The following SPDYE6 variants were observed in gnomAD, a reference collection of about 807,000 sequenced individuals.
SPDYE6 encodes the protein speedy/RINGO cell cycle regulator family member E6, also known as speedy protein E6.
For synonymous variants in SPDYE6, 2 were observed against 103.0 expected (o/e 0.02, Z 5.94); for missense variants, 8 against 297.9 (o/e 0.03, Z 7.16).
rs1382930180 is a variant in SPDYE6, at chr7:102,346,246, TTAAA to T, written c.*1017_*1020del. On this transcript the variant is annotated 3_prime_UTR_variant, in exon 8 of 8. Coordinates refer to ENST00000563237, the MANE Select transcript of SPDYE6 (RefSeq NM_001146210.4). ...ATAATATTTAATGTAAAAATAATATTTAAATAAATAAATATATTTAATAAATATT... is the reference window on the plus strand; with the variant it reads ...ATAATATTTAATGTAAAAATAATATTTAAATAAATATATTTAATAAATATT... 7.0e-4 allele frequency among the ~76,000 whole-genome samples: 103 copies of T among 148,062 alleles called. 2 individuals are homozygous for T. The East Asian group carries it at 0.017, about 24-fold the overall frequency.
At position 102,346,250 on chromosome 7, in the gene SPDYE6, A is replaced by ATAAATAAATATATTTAATAAATATT. The variant is rs1794494557; in HGVS notation, c.*992_*1016dup. ...TATTTAATGTAAAAATAATATTTAA[A>ATAAATAAATATATTTAATAAATATT]TAAATAAATATATTTAATAAATATT... is the stretch of plus-strand genomic sequence containing the variant. On this transcript the variant is annotated 3_prime_UTR_variant, in exon 8 of 8. Coordinates refer to ENST00000563237, the MANE Select transcript of SPDYE6 (RefSeq NM_001146210.4). Among the ~76,000 whole-genome samples, 1 of 147,932 alleles carries ATAAATAAATATATTTAATAAATATT rather than the reference A, an allele frequency of 6.8e-6. No individual in the cohort carries two copies. Among genetic ancestry groups the ATAAATAAATATATTTAATAAATATT allele is most frequent in the African/African-American group, 2.4e-5 (1 of 40,862 alleles).
In SPDYE6 at chr7:102,345,786, C is replaced by T. The variant is rs1729903058; in HGVS notation, c.*1481G>A. 6.6e-6 allele frequency among the ~76,000 whole-genome samples: 1 copy of T among 152,032 alleles called. No homozygotes were observed. Among genetic ancestry groups the T allele is most frequent in the Non-Finnish European group, 1.5e-5 (1 of 68,014 alleles). On this transcript the variant is annotated 3_prime_UTR_variant, in exon 8 of 8. Coordinates refer to ENST00000563237, the MANE Select transcript of SPDYE6 (RefSeq NM_001146210.4). The stretch of plus-strand genomic sequence containing the variant: ...GAAAAGTTCATTTTTATTATGTTTC[C>T]CCAAGAGACCCACTCTATTGTTCTC...
rs1205712515 is a variant in SPDYE6, at chr7:102,346,121, A to G, written c.*1146T>C. Among the ~76,000 whole-genome samples the G allele has an allele frequency of 6.6e-6, 1 of 151,492 alleles. No individual in the cohort carries two copies. The highest frequency in any genetic ancestry group is 1.5e-5 in the Non-Finnish European group (1 of 67,860). ...AGAATCCTCTCTTAAAAAGGAAAAC[A>G]AAATTATATGTATGTGTATATAACA... On this transcript the variant is annotated 3_prime_UTR_variant, in exon 8 of 8. Coordinates refer to ENST00000563237, the MANE Select transcript of SPDYE6 (RefSeq NM_001146210.4).
At position 102,345,776 on chromosome 7, in the gene SPDYE6, A is replaced by G. The variant is rs1794486204; in HGVS notation, c.*1491T>C. Among the ~76,000 whole-genome samples the G allele has an allele frequency of 6.6e-6, 1 of 152,164 alleles. No individual in the cohort carries two copies. The highest frequency in any genetic ancestry group is 2.1e-4 in the South Asian group (1 of 4,826). On this transcript the variant is annotated 3_prime_UTR_variant, in exon 8 of 8. Coordinates refer to ENST00000563237, the MANE Select transcript of SPDYE6 (RefSeq NM_001146210.4). ...GTGAAGGTGAGAAAAGTTCATTTTT[A>G]TTATGTTTCCCCAAGAGACCCACTC...
At chr7:102,353,879 G>C (rs1273862384) in intron 2 of SPDYE6, among the ~76,000 whole-genome samples, 1 of 88,698 alleles carries the variant, frequency 1.1e-5, no homozygotes, top group African/African-American at 5.0e-5. Flanking sequence ...GGCCAGGCTG[G>C]TCTCCAACTC....
chr7:102,345,775 T>G lies in SPDYE6; in HGVS notation c.*1492A>C, dbSNP rs1794486174. ...TGTGAAGGTGAGAAAAGTTCATTTT[T>G]ATTATGTTTCCCCAAGAGACCCACT... On this transcript the variant is annotated 3_prime_UTR_variant, in exon 8 of 8. Coordinates refer to ENST00000563237, the MANE Select transcript of SPDYE6 (RefSeq NM_001146210.4). Among the ~76,000 whole-genome samples, 1 of 152,158 alleles carries G rather than the reference T, an allele frequency of 6.6e-6. No individual in the cohort carries two copies. The highest frequency in any genetic ancestry group is 2.4e-5 in the African/African-American group (1 of 41,438).
At chr7:102,353,780 AAGCCTCCCAAGT>A (rs1554562807) in intron 2 of SPDYE6, among the ~76,000 whole-genome samples, 1 of 119,216 alleles carries the variant, frequency 8.4e-6, no homozygotes. Context: ...TCTCCTGCCT[AAGCCTCCCAAGT>A]AGCTGGGATT....
chr7:102,353,820 C>T (rs1246312724), intron 2 of SPDYE6, among the ~76,000 whole-genome samples: 8 of 90,194 alleles, frequency 8.9e-5, no homozygotes, highest in African/African-American at 2.9e-4. Context: ...CCCACCAGAA[C>T]GCCCAGCTCA....
Position 102,345,941 on chromosome 7 carries a change from A to G in SPDYE6, c.*1326T>C, listed in dbSNP as rs1794488074. 6.6e-6 allele frequency among the ~76,000 whole-genome samples: 1 copy of G among 152,090 alleles called. No homozygotes were observed. ...TTCAAACATATATGAAATATCAAATAAAAATTTATTTTTACAAGAATTTAG... is the reference window on the plus strand; with the variant it reads ...TTCAAACATATATGAAATATCAAATGAAAATTTATTTTTACAAGAATTTAG... On this transcript the variant is annotated 3_prime_UTR_variant, in exon 8 of 8. Coordinates refer to ENST00000563237, the MANE Select transcript of SPDYE6 (RefSeq NM_001146210.4).
chr7:102,347,135 T>G lies in SPDYE6; in HGVS notation c.*132A>C, dbSNP rs1378523538. The G allele has an allele frequency of 7.5e-7, 1 of 1,335,290 alleles. No individual in the cohort carries two copies. Among genetic ancestry groups the G allele is most frequent in the African/African-American group, 1.5e-5 (1 of 66,520 alleles). 82.7% of individuals were successfully genotyped at this position (1,335,290 alleles called of 1,614,324 possible). A position where few individuals can be genotyped will look rare whatever the true frequency, so the allele number is the denominator to read the frequency against. ...GGTTCTTCTAGATGATCTGCACAAA[T>G]GGTTCCTCTCCTCCTGCCTGGTGTC... On this transcript the variant is annotated 3_prime_UTR_variant, in exon 8 of 8. Coordinates refer to ENST00000563237, the MANE Select transcript of SPDYE6 (RefSeq NM_001146210.4).
At chr7:102,351,539 C>A (rs1794564139) in intron 4 of SPDYE6, among the ~76,000 whole-genome samples, 1 of 48,030 alleles carries the variant, frequency 2.1e-5, no homozygotes, top group African/African-American at 1.2e-4. Flanking sequence ...TGCCACTGCA[C>A]TCCATCCTGG....
chr7:102,354,030 CTTTT>C (rs1258255416), intron 2 of SPDYE6, among the ~76,000 whole-genome samples: 5 of 32,414 alleles, frequency 1.5e-4, no homozygotes, highest in Non-Finnish European at 1.7e-4. Flanking sequence ...CCCTTCCTTC[CTTTT>C]TTTTTTTTTT....
rs1794494132 is a variant in SPDYE6 at position 102,346,240 on chromosome 7, T to TATTTAAATAAATAAATATATTTAATA, written c.*1026_*1027insTATTAAATATATTTATTTATTTAAAT. 7.4e-6 allele frequency among the ~76,000 whole-genome samples: 1 copy of TATTTAAATAAATAAATATATTTAATA among 135,860 alleles called. No individual in the cohort carries two copies. The highest frequency in any genetic ancestry group is 2.8e-5 in the African/African-American group (1 of 36,118). 89.1% of individuals were successfully genotyped at this position (135,860 alleles called of 152,430 possible). A position where few individuals can be genotyped will look rare whatever the true frequency, so the allele number is the denominator to read the frequency against. On this transcript the variant is annotated 3_prime_UTR_variant, in exon 8 of 8. Transcript: ENST00000563237. ...TTTAAAATAATATTTAATGTAAAAATAATATTTAAATAAATAAATATATTT... is the reference window on the plus strand; with the variant it reads ...TTTAAAATAATATTTAATGTAAAAATATTTAAATAAATAAATATATTTAATAAATATTTAAATAAATAAATATATTT...
At chr7:102,353,655 T>TGTTG (rs1554562782) in intron 2 of SPDYE6, among the ~76,000 whole-genome samples, 2 of 148,208 alleles carry the variant, frequency 1.3e-5, no homozygotes, top group African/African-American at 2.5e-5. Context: ...TTTTTTTTTT[T>TGTTG]TCGTTGTTGT....
chr7:102,352,579 TTTG>T (rs1448739628), intron 3 of SPDYE6, among the ~76,000 whole-genome samples: 1 of 139,594 alleles, frequency 7.2e-6, no homozygotes, highest in Non-Finnish European at 1.6e-5. Flanking sequence ...GTTTATTGAT[TTTG>T]TTTTTCTTTA....
intron 1 of SPDYE6, among the ~76,000 whole-genome samples, chr7:102,355,539 C>CTT (rs781801543): frequency 0.2 from 116 of 582 alleles, no homozygotes; most frequent in Non-Finnish European, 0.31. Context: ...CCCTTCTTTT[C>CTT]TTTTTTTTTT....
chr7:102,352,597 ATTT>A (rs1794592278), intron 3 of SPDYE6, among the ~76,000 whole-genome samples: 1 of 137,640 alleles, frequency 7.3e-6, no homozygotes, highest in Non-Finnish European at 1.6e-5. Context: ...TCTTTATTTG[ATTT>A]TTATTTTTAT....
chr7:102,346,159 A>G lies in SPDYE6; in HGVS notation c.*1108T>C, dbSNP rs1175648307. 1.3e-5 allele frequency among the ~76,000 whole-genome samples: 2 copies of G among 151,024 alleles called. No homozygotes were observed. The highest frequency in any genetic ancestry group is 1.5e-5 in the Non-Finnish European group (1 of 67,774). Reference sequence around the variant, plus strand: ...TGTGTATATAACAGTTATAATACCCATCACACAGCTTTGTAGAAACAGCAT... The same window carrying G: ...TGTGTATATAACAGTTATAATACCCGTCACACAGCTTTGTAGAAACAGCAT... On this transcript the variant is annotated 3_prime_UTR_variant, in exon 8 of 8. Coordinates refer to ENST00000563237, the MANE Select transcript of SPDYE6 (RefSeq NM_001146210.4).
chr7:102,352,501 C>CA (rs1794589723), intron 3 of SPDYE6, among the ~76,000 whole-genome samples: 1 of 141,848 alleles, frequency 7.0e-6, no homozygotes, highest in South Asian at 2.2e-4. Flanking sequence ...TGGATGGAGA[C>CA]ACTTAGGTTT....
Sources: gnomAD v4.1 joint callset for allele counts (sites outside exome capture counted in the v4.1 genomes callset) on GRCh38, gnomAD v4.1.1 for gene constraint, MANE v1.5 for transcripts, NCBI Gene and HGNC (gene_info 2026-07-23, HGNC 2026-07-21) for gene names.